SLC8A1: variants seen among roughly 807,000 people sequenced by gnomAD.
The protein encoded by SLC8A1 is sodium/calcium exchanger 1.
Under a neutral mutation model 68.3 loss-of-function variants are expected in SLC8A1, and 18 were observed. That is an observed-to-expected ratio of 0.26 (90% CI 0.18 to 0.39). The LOEUF (loss-of-function observed/expected upper bound fraction) is 0.39. SLC8A1 is among the 10% of genes least tolerant of loss of function. SLC8A1 has a pLI of 1.00. For missense variants in SLC8A1, 985 were observed against 1,156.7 expected, an observed-to-expected ratio of 0.85 and a Z score of 2.15; for synonymous variants, 475 against 415.5, an observed-to-expected ratio of 1.14 and a Z score of -1.74.
chr2:40,369,519 T>A (rs2149503303), intron 2 of SLC8A1, among the ~76,000 whole-genome samples: 1 of 152,202 alleles, frequency 6.6e-6, no homozygotes, highest in Non-Finnish European at 1.5e-5. Context: ...CTGTCTGTTT[T>A]TCATCCACCA....
rs551021131 is a variant in SLC8A1 at position 40,204,799 on chromosome 2, A to T, written c.1809-26944T>A. On this transcript the variant is annotated intron_variant, in intron 2 of 7. Coordinates refer to ENST00000406785, the Ensembl canonical transcript of SLC8A1. ...ACATATAATTAATATAAATTTTAAG[A>T]TTTTTATATTCTTTTTTTCATACTA... Among the ~76,000 whole-genome samples, 153 of 152,144 alleles carry T rather than the reference A, an allele frequency of 1.0e-3. 1 individual carries two copies. The highest frequency in any genetic ancestry group is 3.5e-3 in the African/African-American group (146 of 41,540).
chr2:40,489,870 C>T (rs942457177), intron 1 of SLC8A1, among the ~76,000 whole-genome samples: 4 of 151,974 alleles, frequency 2.6e-5, no homozygotes, highest in African/African-American at 9.7e-5. Flanking sequence ...TTTTCTAAAT[C>T]CCCCCAAGCC....
chr2:40,229,558 A>G (rs1656504594), intron 2 of SLC8A1, among the ~76,000 whole-genome samples: 2 of 152,224 alleles, frequency 1.3e-5, no homozygotes, highest in African/African-American at 4.8e-5. Flanking sequence ...TGTTTGCAAG[A>G]CTCTCCAATG....
chr2:40,371,838 G>T (rs1414489082), intron 2 of SLC8A1, among the ~76,000 whole-genome samples: 3 of 152,084 alleles, frequency 2.0e-5, no homozygotes, highest in Admixed American at 1.3e-4. Flanking sequence ...TCTTGTTGCT[G>T]TGGCAGCAGC....
intron 2 of SLC8A1, among the ~76,000 whole-genome samples, chr2:40,232,750 C>A (rs112999488): frequency 3.6e-5 from 3 of 84,224 alleles, no homozygotes; most frequent in African/African-American, 8.6e-5. Flanking sequence ...TCCCTCCCCC[C>A]CCGCCACCCC....
chr2:40,220,989 C>T (rs2058248480), intron 2 of SLC8A1, among the ~76,000 whole-genome samples: 1 of 151,980 alleles, frequency 6.6e-6, no homozygotes, highest in Non-Finnish European at 1.5e-5. Flanking sequence ...CTCTTCCAAA[C>T]AACAGAAAAA....
chr2:40,364,509 C>CTTT (rs11377656), intron 2 of SLC8A1, among the ~76,000 whole-genome samples: 3 of 148,682 alleles, frequency 2.0e-5, no homozygotes, highest in African/African-American at 5.0e-5. Context: ...AAATTGAATC[C>CTTT]TTTTTTTTTG....
At chr2:40,253,041 GTATA>G (rs1249918618) in intron 2 of SLC8A1, among the ~76,000 whole-genome samples, 1 of 29,318 alleles carries the variant, frequency 3.4e-5, no homozygotes, top group Non-Finnish European at 1.6e-4. Context: ...ATATGTATCA[GTATA>G]TGTATATATG....
At chr2:40,336,899 T>G (rs1666145860) in intron 2 of SLC8A1, among the ~76,000 whole-genome samples, 1 of 152,130 alleles carries the variant, frequency 6.6e-6, no homozygotes, top group Non-Finnish European at 1.5e-5. Flanking sequence ...TTTCCTAACC[T>G]GGAAAATGGG....
chr2:40,360,080 T>C (rs914694125), intron 2 of SLC8A1, among the ~76,000 whole-genome samples: 1 of 152,154 alleles, frequency 6.6e-6, no homozygotes, highest in Non-Finnish European at 1.5e-5. Flanking sequence ...TATTTAATCA[T>C]CCCAAAAACC....
chr2:40,430,979 A>T (rs1233702103), intron 1 of SLC8A1, among the ~76,000 whole-genome samples: 1 of 152,208 alleles, frequency 6.6e-6, no homozygotes, highest in Non-Finnish European at 1.5e-5. Context: ...GGAGAAAAAA[A>T]TTCTGCTATA....
At chr2:40,234,335 C>A (rs6730725) in intron 2 of SLC8A1, among the ~76,000 whole-genome samples, 79,382 of 150,588 alleles carry the variant, frequency 0.53, 21,972 homozygotes, top group Non-Finnish European at 0.64. Context: ...AGTTGGATTC[C>A]TAGGTATTTT....
At chr2:40,210,383 A>G (rs2056364234) in intron 2 of SLC8A1, among the ~76,000 whole-genome samples, 1 of 152,202 alleles carries the variant, frequency 6.6e-6, no homozygotes, top group South Asian at 2.1e-4. Context: ...TTAATCTTCT[A>G]CAAGTAGTGA....
At chr2:40,432,691 C>A (rs368456329) in intron 1 of SLC8A1, among the ~76,000 whole-genome samples, 3 of 151,954 alleles carry the variant, frequency 2.0e-5, no homozygotes, top group East Asian at 3.9e-4. Flanking sequence ...TCAGAGAACA[C>A]TGAATTGCCA....
At chr2:40,106,765 A>T (rs2034223778) in exon 8 of SLC8A1, 1 of 152,212 alleles carries the variant, frequency 6.6e-6, no homozygotes, top group South Asian at 2.1e-4. Flanking sequence ...AATGCTACAA[A>T]AGTTCTGTTG....
intron 2 of SLC8A1, among the ~76,000 whole-genome samples, chr2:40,394,143 T>C (rs572586235): frequency 6.6e-5 from 10 of 152,152 alleles, no homozygotes; most frequent in African/African-American, 9.6e-5. Flanking sequence ...TGGGCTAAAA[T>C]GTCAACGGAG....
intron 2 of SLC8A1, among the ~76,000 whole-genome samples, chr2:40,368,555 C>T (rs982116394): frequency 1.3e-5 from 2 of 151,912 alleles, no homozygotes; most frequent in East Asian, 1.9e-4. Context: ...GAATTATCTT[C>T]CTCTTATTAA....
At chr2:40,510,448 A>G (rs1706646444) in intron 1 of SLC8A1, among the ~76,000 whole-genome samples, 1 of 152,236 alleles carries the variant, frequency 6.6e-6, no homozygotes, top group African/African-American at 2.4e-5. Flanking sequence ...TAGGCAAACG[A>G]GAAGATAGTA....
chr2:40,222,137 A>C (rs1256091227), intron 2 of SLC8A1, among the ~76,000 whole-genome samples: 2 of 152,196 alleles, frequency 1.3e-5, no homozygotes, highest in Non-Finnish European at 2.9e-5. Flanking sequence ...AGGCTACAGT[A>C]ACAAAAACAG....
Sources: allele counts gnomAD v4.1 joint callset (sites outside exome capture counted in the v4.1 genomes callset), GRCh38; gene constraint gnomAD v4.1.1; transcripts MANE v1.5; gene names NCBI Gene and HGNC (gene_info 2026-07-23, HGNC 2026-07-21).